The following ALDH1L1 variants were observed in gnomAD, a reference collection of about 807,000 sequenced individuals.
ALDH1L1 encodes cytosolic 10-formyltetrahydrofolate dehydrogenase.
In ALDH1L1, 68 loss-of-function variants were observed where a neutral mutation model predicts 101.1. The ratio of observed to expected loss-of-function variants is 0.67; its 90% CI spans 0.55 to 0.82. The LOEUF (loss-of-function observed/expected upper bound fraction) is 0.82. ALDH1L1 is among the 40% of genes least tolerant of loss of function. The pLI, the probability that ALDH1L1 is intolerant of heterozygous loss-of-function variation, is 0.00. For missense variants in ALDH1L1, 1,087 were observed against 1,172.7 expected (o/e 0.93, Z 1.07); for synonymous variants, 486 against 470.8 (o/e 1.03, Z -0.42).
intron 1 of ALDH1L1, among the ~76,000 whole-genome samples, chr3:126,175,806 C>T (rs1183774359): frequency 6.6e-6 from 1 of 152,030 alleles, no homozygotes; most frequent in Non-Finnish European, 1.5e-5. Context: ...TCCCTTTCAC[C>T]CTTCCTAGTC....
upstream of ALDH1L1, among the ~76,000 whole-genome samples, chr3:126,183,651 C>T (rs184318807): frequency 1.3e-5 from 2 of 152,196 alleles, no homozygotes; most frequent in East Asian, 1.9e-4. Flanking sequence ...TCCTTGTTCC[C>T]TTTGGAGCAG....
At chr3:126,165,913 A>G (rs2081158738) in intron 1 of ALDH1L1, among the ~76,000 whole-genome samples, 1 of 152,076 alleles carries the variant, frequency 6.6e-6, no homozygotes, top group South Asian at 2.1e-4. Context: ...GGATTTTTGC[A>G]TCTCAATTTC....
At chr3:126,186,002 A>G (rs2081515348), upstream of ALDH1L1, among the ~76,000 whole-genome samples, 1 of 152,028 alleles carries the variant, frequency 6.6e-6, no homozygotes, top group Non-Finnish European at 1.5e-5. Context: ...AGAGACAGAA[A>G]GTGGAATGGG....
upstream of ALDH1L1, among the ~76,000 whole-genome samples, chr3:126,185,917 TCTAA>T (rs777062437): frequency 2.6e-5 from 4 of 152,330 alleles, no homozygotes; most frequent in South Asian, 8.3e-4. Context: ...AGTAGTTTAT[TCTAA>T]CTGAGTTAAC....
intron 17 of ALDH1L1, among the ~76,000 whole-genome samples, chr3:126,117,051 C>A (rs1019561476): frequency 1.3e-5 from 2 of 152,086 alleles, no homozygotes; most frequent in African/African-American, 4.8e-5. Context: ...CGAGACCAGG[C>A]TGGGCAACAT....
chr3:126,158,703 C>T, intron 2 of ALDH1L1, 64 bp from the exon 3 acceptor site: 4 of 1,503,152 alleles, frequency 2.7e-6, no homozygotes, highest in South Asian at 2.3e-5. Context: ...GCCACCTCTG[C>T]CTTCCCAGCA....
intron 1 of ALDH1L1, among the ~76,000 whole-genome samples, chr3:126,187,018 A>T (rs1481171535): frequency 6.6e-6 from 1 of 152,102 alleles, no homozygotes; most frequent in African/African-American, 2.4e-5. Context: ...ACAGGCACCC[A>T]GGGCTGCTCA....
intron 9 of ALDH1L1, among the ~76,000 whole-genome samples, chr3:126,141,834 G>A (rs1458602025): frequency 6.6e-6 from 1 of 151,546 alleles, no homozygotes. Context: ...CTAGCAGAAG[G>A]AAGTAATAAT....
intron 1 of ALDH1L1, among the ~76,000 whole-genome samples, chr3:126,192,541 A>G (rs1183980594): frequency 1.3e-5 from 2 of 152,230 alleles, no homozygotes; most frequent in African/African-American, 2.4e-5. Flanking sequence ...TCAGGAGGTC[A>G]GGAAATTCTA....
At chr3:126,189,199 G>A (rs2081538472) in intron 1 of ALDH1L1, among the ~76,000 whole-genome samples, 1 of 152,164 alleles carries the variant, frequency 6.6e-6, no homozygotes, top group Non-Finnish European at 1.5e-5. Flanking sequence ...CTTAGATCAT[G>A]TAAAGTTCTG....
intron 4 of ALDH1L1, among the ~76,000 whole-genome samples, chr3:126,156,965 G>A (rs2080922315): frequency 6.6e-6 from 1 of 152,214 alleles, no homozygotes; most frequent in African/African-American, 2.4e-5. Context: ...ATCACACAGA[G>A]AAAAGGAGAA....
At chr3:126,179,006 G>C (rs1463571348) in intron 1 of ALDH1L1, among the ~76,000 whole-genome samples, 1 of 152,182 alleles carries the variant, frequency 6.6e-6, no homozygotes, top group Non-Finnish European at 1.5e-5. Context: ...TGGCCACCAA[G>C]GGGCTGTTGT....
Position 126,124,957 on chromosome 3 carries a change from G to A in ALDH1L1, c.1801-506C>T, listed in dbSNP as rs373200446. On this transcript the variant is annotated intron_variant, in intron 15 of 22. Transcript: ENST00000393434. ...TTACCCCAAAGAAGCTGGCGAGTGG[G>A]TGCCCTCCTGGGCACACCATCCCTG... is the stretch of plus-strand genomic sequence containing the variant. Among the ~76,000 whole-genome samples, 46 of 152,280 alleles carry A rather than the reference G, an allele frequency of 3.0e-4. 1 individual carries two copies. The South Asian group carries it at 8.1e-3, about 27-fold the overall frequency.
At chr3:126,162,939 C>T (rs957379338) in intron 1 of ALDH1L1, among the ~76,000 whole-genome samples, 6 of 152,158 alleles carry the variant, frequency 3.9e-5, no homozygotes, top group African/African-American at 7.2e-5. Flanking sequence ...ACTGAAAAGA[C>T]GTTTCTTCAT....
At chr3:126,146,065 G>A (rs563934996) in intron 9 of ALDH1L1, among the ~76,000 whole-genome samples, 1 of 152,040 alleles carries the variant, frequency 6.6e-6, no homozygotes, top group Middle Eastern at 3.2e-3. Flanking sequence ...AAGCACATAG[G>A]CCCAACTCAG....
chr3:126,116,907 T>A (rs574740188), intron 17 of ALDH1L1, among the ~76,000 whole-genome samples: 1 of 152,292 alleles, frequency 6.6e-6, no homozygotes, highest in South Asian at 2.1e-4. Context: ...ACCAGTCAAT[T>A]TGAGGCCAAA....
chr3:126,113,684 A>G (rs1359956672), intron 18 of ALDH1L1, among the ~76,000 whole-genome samples: 1 of 152,190 alleles, frequency 6.6e-6, no homozygotes, highest in Non-Finnish European at 1.5e-5. Context: ...TTCACACCCA[A>G]GCTAGGGTGT....
intron 1 of ALDH1L1, among the ~76,000 whole-genome samples, chr3:126,175,994 T>A (rs1027699798): frequency 6.6e-5 from 10 of 152,178 alleles, no homozygotes; most frequent in African/African-American, 2.4e-4. Flanking sequence ...CCAAAGTTGC[T>A]GGATGTAAAG....
chr3:126,170,388 C>T (rs1251661854), intron 1 of ALDH1L1, among the ~76,000 whole-genome samples: 1 of 137,886 alleles, frequency 7.3e-6, no homozygotes, highest in African/African-American at 2.8e-5. Context: ...AAAAATAACA[C>T]ATGGGTCTTT....
Sources: allele counts gnomAD v4.1 joint callset (sites outside exome capture counted in the v4.1 genomes callset), GRCh38; gene constraint gnomAD v4.1.1; transcripts MANE v1.5; gene names NCBI Gene and HGNC (gene_info 2026-07-23, HGNC 2026-07-21).